The following CDH18 variants were observed in gnomAD, a reference collection of about 807,000 sequenced individuals.
CDH18 encodes the protein cadherin 18.
In CDH18, 31 loss-of-function variants were observed where a neutral mutation model predicts 67.9. The ratio of observed to expected loss-of-function variants is 0.46; its 90% CI spans 0.34 to 0.62. The LOEUF (loss-of-function observed/expected upper bound fraction) is 0.62. Ranked by LOEUF, CDH18 falls within the 20% of genes least tolerant of loss-of-function variation. CDH18 has a pLI of 0.01. For missense variants in CDH18, 890 were observed against 975.5 expected (o/e 0.91, Z 1.17); for synonymous variants, 362 against 347.2 (o/e 1.04, Z -0.48).
intron 1 of CDH18, among the ~76,000 whole-genome samples, chr5:20,268,167 C>T (rs1398922939): frequency 2.0e-5 from 3 of 152,100 alleles, no homozygotes; most frequent in Non-Finnish European, 2.9e-5. Flanking sequence ...ATTGTGTATA[C>T]GTACCATATT....
chr5:20,538,236 G>T (rs1756838031), intron 1 of CDH18, among the ~76,000 whole-genome samples: 1 of 152,078 alleles, frequency 6.6e-6, no homozygotes, highest in Admixed American at 6.6e-5. Flanking sequence ...TGAGAAAGGG[G>T]GATGCAGACG....
intron 1 of CDH18, among the ~76,000 whole-genome samples, chr5:20,566,360 C>CTTTTTTTTTTTTTTTTTTT (rs529048391): frequency 8.4e-6 from 1 of 119,268 alleles, no homozygotes; most frequent in Non-Finnish European, 1.7e-5. Flanking sequence ...TTTTCTTTTT[C>CTTTTTTTTTTTTTTTTTTT]TTTTTTTTTT....
chr5:19,634,705 G>C (rs1386304587), intron 5 of CDH18, among the ~76,000 whole-genome samples: 2 of 150,180 alleles, frequency 1.3e-5, no homozygotes, highest in African/African-American at 2.5e-5. Flanking sequence ...GGGAGCCTGA[G>C]GGTGGGTGGA....
intron 10 of CDH18, among the ~76,000 whole-genome samples, chr5:19,503,539 T>C (rs1378731318): frequency 6.6e-6 from 1 of 152,108 alleles, no homozygotes; most frequent in Non-Finnish European, 1.5e-5. Context: ...CAGTGGAGTC[T>C]TGGTTTTATT....
chr5:20,537,619 A>G (rs1756803010), intron 1 of CDH18, among the ~76,000 whole-genome samples: 1 of 152,118 alleles, frequency 6.6e-6, no homozygotes, highest in Non-Finnish European at 1.5e-5. Context: ...GGTTGAAAAT[A>G]CCTTATATCT....
intron 6 of CDH18, among the ~76,000 whole-genome samples, chr5:19,591,876 C>A (rs573514797): frequency 1.3e-5 from 2 of 151,784 alleles, no homozygotes; most frequent in Non-Finnish European, 2.9e-5. Flanking sequence ...TTTTAAAAAT[C>A]GATTACAGAG....
At chr5:20,101,072 C>T (rs1746422033) in intron 2 of CDH18, among the ~76,000 whole-genome samples, 1 of 152,000 alleles carries the variant, frequency 6.6e-6, no homozygotes, top group Non-Finnish European at 1.5e-5. Flanking sequence ...CTACCCAACC[C>T]TCTCACCTGG....
At chr5:19,718,143 A>G (rs1390971572) in intron 5 of CDH18, among the ~76,000 whole-genome samples, 2 of 152,008 alleles carry the variant, frequency 1.3e-5, no homozygotes, top group Non-Finnish European at 2.9e-5. Flanking sequence ...CAAAATAGGA[A>G]GCCAAGGTCT....
At chr5:20,522,694 C>T (rs1252719731) in intron 1 of CDH18, among the ~76,000 whole-genome samples, 2 of 152,022 alleles carry the variant, frequency 1.3e-5, no homozygotes, top group Admixed American at 6.6e-5. Context: ...ATTTCAGGAC[C>T]AATAAATTAA....
intron 1 of CDH18, among the ~76,000 whole-genome samples, chr5:20,527,182 TGAAATAAGGCA>T (rs1459313927): frequency 1.9e-5 from 1 of 53,412 alleles, no homozygotes; most frequent in Non-Finnish European, 5.7e-5. Context: ...ACCATCTTGC[TGAAATAAGGCA>T]GGCAGACAAG....
intron 2 of CDH18, among the ~76,000 whole-genome samples, chr5:20,011,985 A>T (rs531885595): frequency 1.7e-4 from 26 of 152,096 alleles, no homozygotes; most frequent in Admixed American, 4.6e-4. Flanking sequence ...CTCCTTTTCA[A>T]TTTTTTGGAA....
intron 3 of CDH18, among the ~76,000 whole-genome samples, chr5:19,773,590 G>A (rs1035052911): frequency 6.6e-6 from 1 of 152,128 alleles, no homozygotes; most frequent in Non-Finnish European, 1.5e-5. Context: ...GTTGAGTCAA[G>A]GAAGTATCAA....
At chr5:20,454,984 G>A (rs868505199) in intron 1 of CDH18, among the ~76,000 whole-genome samples, 18 of 151,890 alleles carry the variant, frequency 1.2e-4, no homozygotes, top group African/African-American at 4.4e-4. Context: ...TCTTGGAATA[G>A]CCAGGAAGAA....
chr5:20,539,908 T>C (rs1756959745), intron 1 of CDH18, among the ~76,000 whole-genome samples: 1 of 152,210 alleles, frequency 6.6e-6, no homozygotes, highest in African/African-American at 2.4e-5. Context: ...ATTTAACTTA[T>C]TTAAGCCTTA....
chr5:20,520,942 A>G (rs952095058), intron 1 of CDH18, among the ~76,000 whole-genome samples: 1 of 152,246 alleles, frequency 6.6e-6, no homozygotes, highest in Admixed American at 6.5e-5. Context: ...GCACAAGACC[A>G]GTCAGCTAAA....
intron 2 of CDH18, among the ~76,000 whole-genome samples, chr5:20,153,689 G>GTGAA (rs1389035813): frequency 6.6e-6 from 1 of 152,184 alleles, no homozygotes; most frequent in Non-Finnish European, 1.5e-5. Flanking sequence ...TGTCTTACAG[G>GTGAA]TGAATGTCTT....
At chr5:19,827,150 T>C (rs963338483) in intron 3 of CDH18, among the ~76,000 whole-genome samples, 1 of 152,084 alleles carries the variant, frequency 6.6e-6, no homozygotes. Flanking sequence ...TGTTACATGA[T>C]GGGAAAGGGT....
intron 1 of CDH18, among the ~76,000 whole-genome samples, chr5:20,283,067 G>A (rs1321675269): frequency 6.6e-6 from 1 of 151,996 alleles, no homozygotes. Context: ...ACATCCATAT[G>A]CAGAAAAGTC....
chr5:20,116,086 G>A (rs1438642342), intron 2 of CDH18, among the ~76,000 whole-genome samples: 1 of 152,164 alleles, frequency 6.6e-6, no homozygotes, highest in Non-Finnish European at 1.5e-5. Context: ...AAAATGATGT[G>A]TCTGCTTTAA....
Sources: allele counts gnomAD v4.1 joint callset (sites outside exome capture counted in the v4.1 genomes callset), GRCh38; gene constraint gnomAD v4.1.1; transcripts MANE v1.5; gene names NCBI Gene and HGNC (gene_info 2026-07-23, HGNC 2026-07-21).